The following LAMA4 variants were observed in gnomAD, a reference collection of about 807,000 sequenced individuals.
The protein encoded by LAMA4 is laminin subunit alpha 4.
LAMA4 carries 127 observed loss-of-function variants against 207.1 expected under a neutral mutation model. The observed-to-expected ratio is 0.61, with a 90% confidence interval of 0.53 to 0.71. The LOEUF (loss-of-function observed/expected upper bound fraction) is 0.71. LAMA4 is among the 30% of genes least tolerant of loss of function. LAMA4 has a pLI of 0.00. For synonymous variants in LAMA4, 761 were observed against 816.0 expected (o/e 0.93, Z 1.15); for missense variants, 2,093 against 2,246.5 (o/e 0.93, Z 1.38).
chr6:112,136,107 C>T lies in LAMA4; in HGVS notation c.3414+16G>A. 6.2e-7 allele frequency: 1 copy of T among 1,609,662 alleles called. No individual in the cohort carries two copies. ...AAGAACAAAAACAAAACCAACCAAA[C>T]TACAATGATTTGTACCTCATGGTAT... On this transcript the variant is annotated intron_variant, in intron 25 of 38. Transcript: ENST00000230538.
At chr6:112,130,886 G>A in intron 29 of LAMA4, 82 bp downstream of exon 29, 2 of 1,428,884 alleles carry the variant, frequency 1.4e-6, no homozygotes. Flanking sequence ...TTATAGGACA[G>A]CCTATTATTC....
At chr6:112,181,134 A>G (rs1782333673) in intron 9 of LAMA4, among the ~76,000 whole-genome samples, 1 of 152,044 alleles carries the variant, frequency 6.6e-6, no homozygotes, top group Non-Finnish European at 1.5e-5. Flanking sequence ...TTCCATGACC[A>G]CAGTCTCAGT....
chr6:112,191,570 C>T (rs1345676575), intron 6 of LAMA4, 66 bp downstream of exon 6: 21 of 1,188,934 alleles, frequency 1.8e-5, no homozygotes, highest in Non-Finnish European at 2.6e-5. Flanking sequence ...AATTCTTCAT[C>T]TAAATTCAGT....
At position 112,117,749 on chromosome 6, in the gene LAMA4, G is replaced by A. The variant is rs782307721; in HGVS notation, c.4971C>T (p.Tyr1657=). The stretch of plus-strand genomic sequence containing the variant: ...CATGACTAATGTTACCTAGAACCAC[G>A]TATCCTCCTTCTGTTGAAAAGTAAG... ...TGTYFSTEGG[Y]VVLDESFNIG... Residue 1657 remains tyrosine, a synonymous_variant, in exon 35 of 39, where the codon TAC becomes TAT. Transcript: ENST00000230538. The surrounding 1 kb of genome is among the most constrained non-coding windows in gnomAD (Gnocchi z 4.5). 9.9e-6 allele frequency: 16 copies of A among 1,613,142 alleles called. No homozygotes were observed. The highest frequency in any genetic ancestry group is 1.7e-4 in the Middle Eastern group (1 of 6,056).
chr6:112,160,432 C>T (rs782405843), intron 13 of LAMA4, among the ~76,000 whole-genome samples: 18 of 146,984 alleles, frequency 1.2e-4, no homozygotes, highest in Non-Finnish European at 2.4e-4. Flanking sequence ...AAGTATCTCC[C>T]GTCAAAAAAC....
chr6:112,229,597 A>G (rs1347941104), intron 2 of LAMA4, among the ~76,000 whole-genome samples: 9 of 152,226 alleles, frequency 5.9e-5, no homozygotes, highest in Non-Finnish European at 2.9e-5. Context: ...AGGAAACGGC[A>G]TGGACATAAG....
intron 6 of LAMA4, among the ~76,000 whole-genome samples, chr6:112,191,406 T>A: frequency 6.6e-6 from 1 of 152,218 alleles, no homozygotes; most frequent in Non-Finnish European, 1.5e-5. Context: ...TTTGTTGTGT[T>A]TGTGTCTCCT....
chr6:112,179,748 A>C (rs1216633339), intron 9 of LAMA4: 2 of 269,384 alleles, frequency 7.4e-6, no homozygotes. Context: ...TATTATAACA[A>C]ACACATGCCC....
intron 31 of LAMA4, among the ~76,000 whole-genome samples, chr6:112,123,971 GGC>G (rs1379240868): frequency 1.3e-5 from 2 of 152,190 alleles, no homozygotes; most frequent in Non-Finnish European, 2.9e-5. Flanking sequence ...GCCGTAGGTG[GGC>G]AGAATGGGCT....
At chr6:112,174,865 G>T (rs896542555) in intron 11 of LAMA4, among the ~76,000 whole-genome samples, 2 of 152,162 alleles carry the variant, frequency 1.3e-5, no homozygotes, top group African/African-American at 2.4e-5. Context: ...ACTGTGATTT[G>T]GTGCCTACAC....
intron 20 of LAMA4, 49 bp downstream of exon 20, chr6:112,142,070 C>T (rs138464291): frequency 1.2e-6 from 2 of 1,602,218 alleles, no homozygotes; most frequent in African/African-American, 1.3e-5. Context: ...AGAGAAAAAG[C>T]AGCTTTCCTT....
rs1778151464 is a variant in LAMA4, at chr6:112,118,457, A to T, written c.4822-559T>A. ...ATTGGGGCTGCTTATCTAAAATCTA[A>T]TTATAATGTAAACCATCTTTTTTGC... On this transcript the variant is annotated intron_variant, in intron 34 of 38. Transcript: ENST00000230538. The surrounding 1 kb of genome is among the most constrained non-coding windows in gnomAD (Gnocchi z 4.6). 6.6e-6 allele frequency among the ~76,000 whole-genome samples: 1 copy of T among 152,194 alleles called. No individual in the cohort carries two copies. The highest frequency in any genetic ancestry group is 2.1e-4 in the South Asian group (1 of 4,830).
In LAMA4 at chr6:112,129,034, G is replaced by A; in HGVS notation, c.4175C>T (p.Thr1392Ile). 1 of 1,612,692 alleles carries A rather than the reference G, an allele frequency of 6.2e-7. No individual in the cohort carries two copies. The highest frequency in any genetic ancestry group is 8.5e-7 in the Non-Finnish European group (1 of 1,178,852). The part of the protein sequence containing the change: ...DVEVEDFQRY[T>I]EKVHTSLYEC... ...ATAAAGAGAAGTGTGGACCTTTTCA[G>A]TATACCGTTGGAAATCTTCAACCTC... The change falls in exon 31 of 39, where the codon ACT (threonine) becomes ATT (isoleucine). Residue 1392 changes from threonine to isoleucine, a missense_variant. Transcript: ENST00000230538.
chr6:112,198,762 C>T (rs148776810), intron 5 of LAMA4, among the ~76,000 whole-genome samples: 6 of 152,216 alleles, frequency 3.9e-5, no homozygotes, highest in African/African-American at 9.6e-5. Context: ...GGAACACAAT[C>T]GGCAGTGGCA....
intron 5 of LAMA4, among the ~76,000 whole-genome samples, chr6:112,199,597 T>C (rs1393984206): frequency 6.6e-6 from 1 of 152,118 alleles, no homozygotes; most frequent in Non-Finnish European, 1.5e-5. Context: ...TCCTAATAGA[T>C]GAAATTCATG....
intron 24 of LAMA4, among the ~76,000 whole-genome samples, chr6:112,136,884 T>C (rs1363950680): frequency 6.6e-6 from 1 of 152,210 alleles, no homozygotes; most frequent in African/African-American, 2.4e-5. Flanking sequence ...TAGTATACCA[T>C]GTTTATTCAA....
intron 3 of LAMA4, among the ~76,000 whole-genome samples, chr6:112,208,166 A>T (rs1259517691): frequency 6.8e-6 from 1 of 147,790 alleles, no homozygotes; most frequent in Non-Finnish European, 1.5e-5. Flanking sequence ...GTGAAAAATT[A>T]TACTGTTAGA....
At chr6:112,123,765 T>C (rs1266818508) in intron 31 of LAMA4, among the ~76,000 whole-genome samples, 1 of 152,154 alleles carries the variant, frequency 6.6e-6, no homozygotes, top group Non-Finnish European at 1.5e-5. Context: ...TGGGAGCTCA[T>C]AGACTCTCAT....
At chr6:112,192,427 G>T (rs1272710513) in intron 5 of LAMA4, among the ~76,000 whole-genome samples, 1 of 152,234 alleles carries the variant, frequency 6.6e-6, no homozygotes, top group Non-Finnish European at 1.5e-5. Context: ...GCAGCAGGTA[G>T]TACGCTTAGC....
Sources: allele counts gnomAD v4.1 joint callset (sites outside exome capture counted in the v4.1 genomes callset), GRCh38; gene constraint gnomAD v4.1.1; non-coding constraint Gnocchi (gnomAD v3.1); transcripts MANE v1.5; gene names NCBI Gene and HGNC (gene_info 2026-07-23, HGNC 2026-07-21).